STRIP1: variants seen among roughly 807,000 people sequenced by gnomAD.
The protein encoded by STRIP1 is striatin interacting protein 1.
In STRIP1, 63 loss-of-function variants were observed where a neutral mutation model predicts 106.2. That is an observed-to-expected ratio of 0.59 (90% confidence interval 0.48 to 0.73). The LOEUF is 0.73. Among genes scored for constraint, STRIP1 ranks in the 30% least tolerant of loss-of-function variants. STRIP1 has a pLI of 0.00. For missense variants in STRIP1, 857 were observed against 1,074.8 expected (o/e 0.80, Z 2.83); for synonymous variants, 390 against 413.0 (o/e 0.94, Z 0.67).
chr1:110,039,742 C>A, intron 5 of STRIP1: 1 of 1,122,372 alleles, frequency 8.9e-7, no homozygotes, highest in Non-Finnish European at 1.3e-6. Flanking sequence ...AGTTTTTACA[C>A]CAGACAGTGC....
chr1:110,051,799 G>A lies in STRIP1; in HGVS notation c.2178G>A (p.Arg726=). 2.5e-6 allele frequency: 4 copies of A among 1,613,844 alleles called. No individual in the cohort carries two copies. Among genetic ancestry groups the A allele is most frequent in the Non-Finnish European group, 3.4e-6 (4 of 1,180,040 alleles). ...LLKVQTKYLG[R]QWRKSNMKTM... Reference sequence around the variant, plus strand: ...AGGTACAGACCAAATACTTGGGGCGGCAGTGGCGAAAGAGCAACATGAAGA... The same window carrying A: ...AGGTACAGACCAAATACTTGGGGCGACAGTGGCGAAAGAGCAACATGAAGA... The change falls in exon 20 of 21, where the codon CGG becomes CGA. Residue 726 remains arginine, a synonymous_variant. Coordinates refer to ENST00000369795, the MANE Select transcript of STRIP1 (RefSeq NM_033088.4).
In STRIP1 at chr1:110,039,245, G is replaced by A. The variant is rs1363164551; in HGVS notation, c.399G>A (p.Leu133=). The A allele has an allele frequency of 1.9e-6, 3 of 1,614,124 alleles. No individual in the cohort carries two copies. The highest frequency in any genetic ancestry group is 2.5e-6 in the Non-Finnish European group (3 of 1,180,054). Residue 133 remains leucine (L), a synonymous_variant, in exon 4 of 21, where the codon TTG becomes TTA. Coordinates refer to ENST00000369795, the MANE Select transcript of STRIP1 (RefSeq NM_033088.4). ...RTHAMRLLDG[L]EVTAREKRLK... ...ATGCCATGAGGCTCCTGGATGGCTT[G>A]GAAGTCACTGCCAGGGAGAAGAGAC...
chr1:110,043,348 C>G, intron 9 of STRIP1, 78 bp downstream of exon 9: 1 of 1,422,950 alleles, frequency 7.0e-7, no homozygotes, highest in Non-Finnish European at 9.7e-7. Context: ...CTTGGAGGAG[C>G]AGGGCTGCTG....
intron 5 of STRIP1, 26 bp downstream of exon 5, chr1:110,039,541 G>T: frequency 6.3e-7 from 1 of 1,581,444 alleles, no homozygotes; most frequent in South Asian, 1.2e-5. Flanking sequence ...AGGCTGAGTA[G>T]GGAAGGGGAG....
upstream of STRIP1, among the ~76,000 whole-genome samples, chr1:110,033,297 T>A (rs1652278720): frequency 6.6e-6 from 1 of 152,054 alleles, no homozygotes; most frequent in African/African-American, 2.4e-5. Flanking sequence ...TTCTCTTCTT[T>A]GGCCAAAACT....
At chr1:110,046,655 C>T in intron 12 of STRIP1, 25 bp from the exon 13 acceptor site, 1 of 1,611,110 alleles carries the variant, frequency 6.2e-7, no homozygotes, top group African/African-American at 1.3e-5. Flanking sequence ...TTCCCCAGCC[C>T]TTCTTTTCCC....
chr1:110,043,901 C>T, intron 10 of STRIP1, 45 bp downstream of exon 10: 1 of 1,545,552 alleles, frequency 6.5e-7, no homozygotes, highest in Non-Finnish European at 8.9e-7. Context: ...TGAGGCAGAG[C>T]CCTCACACCC....
chr1:110,035,577 A>G (rs1462611482), intron 1 of STRIP1, among the ~76,000 whole-genome samples: 1 of 152,104 alleles, frequency 6.6e-6, no homozygotes, highest in Non-Finnish European at 1.5e-5. Flanking sequence ...CCTCACCCCA[A>G]GTTAAGGAAT....
chr1:110,041,940 TATTGA>T, intron 8 of STRIP1, 79 bp downstream of exon 8: 1 of 1,441,078 alleles, frequency 6.9e-7, no homozygotes, highest in South Asian at 1.3e-5. Context: ...TCCTTTTGAA[TATTGA>T]ATTATGTGAC....
chr1:110,033,156 T>G (rs190200509), upstream of STRIP1, among the ~76,000 whole-genome samples: 7 of 152,310 alleles, frequency 4.6e-5, no homozygotes, highest in Admixed American at 3.9e-4. Flanking sequence ...TCATCTAAAA[T>G]CACACCCTCA....
At position 110,053,891 on chromosome 1, in the gene STRIP1, C is replaced by T. The variant is rs1279002651; in HGVS notation, c.2493C>T (p.Ser831=). ...GGGAGGTCTTCTCCAAGCCCATTTC[C>T]TGGGAAGAGCTGCTGCAGTGAGGCT... ...LEREVFSKPI[S]WEELLQ Residue 831 remains serine, a synonymous_variant, in exon 21 of 21, where the codon TCC becomes TCT. Transcript: ENST00000369795. The T allele has an allele frequency of 1.2e-6, 2 of 1,614,120 alleles. No individual in the cohort carries two copies. The highest frequency in any genetic ancestry group is 8.5e-7 in the Non-Finnish European group (1 of 1,180,014).
Position 110,041,562 on chromosome 1 carries a change from T to G in STRIP1, c.677T>G (p.Ile226Arg), listed in dbSNP as rs770343744. ...LRVLLNIMYL[I>R]VETVHQECEG... ...GTCCTGCTCAACATCATGTACCTGA[T>G]AGTGGAGACCGTTCATCAGGAGTGT... is the stretch of plus-strand genomic sequence containing the variant. The change falls in exon 7 of 21, where the codon ATA (isoleucine) becomes AGA (arginine). Residue 226 changes from isoleucine to arginine, a missense_variant. Transcript: ENST00000369795. 4.3e-6 allele frequency: 7 copies of G among 1,614,034 alleles called. No individual in the cohort carries two copies. Among genetic ancestry groups the G allele is most frequent in the Non-Finnish European group, 5.1e-6 (6 of 1,179,928 alleles).
intron 17 of STRIP1, 102 bp from the exon 18 acceptor site, chr1:110,050,241 A>G (rs1653228378): frequency 1.8e-6 from 2 of 1,128,952 alleles, no homozygotes; most frequent in Non-Finnish European, 2.7e-6. Context: ...TTCTGCTCCA[A>G]CAAGTGAGGG....
chr1:110,046,623 G>A (rs1461933389), intron 12 of STRIP1, 57 bp from the exon 13 acceptor site: 2 of 1,500,642 alleles, frequency 1.3e-6, no homozygotes, highest in African/African-American at 2.8e-5. Flanking sequence ...CTAGAGTGCA[G>A]GGAGTTTGGC....
intron 8 of STRIP1, among the ~76,000 whole-genome samples, chr1:110,042,290 C>T (rs923886573): frequency 2.0e-5 from 3 of 152,176 alleles, no homozygotes; most frequent in Admixed American, 6.5e-5. Context: ...GGTGTCAGCC[C>T]GACTCTGTGT....
At chr1:110,048,345 T>C (rs1002992703) in intron 15 of STRIP1, 1 of 184,030 alleles carries the variant, frequency 5.4e-6, no homozygotes, top group African/African-American at 2.3e-5. Context: ...TCAGAGCTCT[T>C]CTGCCCTGTG....
intron 6 of STRIP1, 24 bp from the exon 7 acceptor site, chr1:110,041,512 T>G: frequency 1.9e-6 from 3 of 1,588,540 alleles, no homozygotes; most frequent in Non-Finnish European, 2.6e-6. Flanking sequence ...TCCCACTCCA[T>G]TGTGAGCTGG....
chr1:110,043,604 T>C, intron 9 of STRIP1, 35 bp from the exon 10 acceptor site: 2 of 1,583,592 alleles, frequency 1.3e-6, no homozygotes, highest in South Asian at 1.1e-5. Context: ...GCGTCCTCAG[T>C]TGGCTCTTGT....
chr1:110,050,609 A>G (rs1200901183), intron 18 of STRIP1, among the ~76,000 whole-genome samples, 200 bp downstream of exon 18: 1 of 152,188 alleles, frequency 6.6e-6, no homozygotes, highest in Admixed American at 6.5e-5. Flanking sequence ...GGATTTAGGG[A>G]TTAGTCAGGG....
Sources: allele counts gnomAD v4.1 joint callset (sites outside exome capture counted in the v4.1 genomes callset), GRCh38; gene constraint gnomAD v4.1.1; transcripts MANE v1.5; gene names NCBI Gene and HGNC (gene_info 2026-07-23, HGNC 2026-07-21).